The following SLC12A8 variants were observed in gnomAD, a reference collection of about 807,000 sequenced individuals.
SLC12A8 encodes the protein cation-chloride cotransporter 9.
A neutral mutation model predicts 75.6 loss-of-function variants in SLC12A8; 69 were observed. That is an observed-to-expected ratio of 0.91 (90% CI 0.75 to 1.11). SLC12A8 has a LOEUF of 1.11. Among genes scored for constraint, SLC12A8 ranks in the 50% most tolerant of loss-of-function variants. The pLI is 0.00. For missense variants in SLC12A8, 877 were observed against 896.7 expected, an observed-to-expected ratio of 0.98 and a Z score of 0.28; for synonymous variants, 365 against 372.8, an observed-to-expected ratio of 0.98 and a Z score of 0.24.
At chr3:125,114,174 T>C (rs1939251691) in intron 8 of SLC12A8, among the ~76,000 whole-genome samples, 1 of 152,198 alleles carries the variant, frequency 6.6e-6, no homozygotes, top group Non-Finnish European at 1.5e-5. Flanking sequence ...TTTTCCATAA[T>C]GAGACCTAGT....
intron 5 of SLC12A8, among the ~76,000 whole-genome samples, chr3:125,155,494 G>A (rs2945115): frequency 0.76 from 115,568 of 151,878 alleles, 44,606 homozygotes; most frequent in African/African-American, 0.9. Context: ...AGTTTGAGCC[G>A]GGCGCGGTGG....
At chr3:125,155,498 G>A (rs1281430680) in intron 5 of SLC12A8, among the ~76,000 whole-genome samples, 3 of 151,966 alleles carry the variant, frequency 2.0e-5, no homozygotes, top group Admixed American at 1.3e-4. Context: ...TGAGCCGGGC[G>A]CGGTGGCTCA....
intron 10 of SLC12A8, among the ~76,000 whole-genome samples, chr3:125,102,542 C>T (rs149551978): frequency 2.4e-4 from 36 of 152,126 alleles, no homozygotes; most frequent in African/African-American, 8.7e-4. Context: ...AAATGGGATG[C>T]GGGAGAGTCT....
At chr3:125,121,620 A>T (rs912913018) in intron 6 of SLC12A8, among the ~76,000 whole-genome samples, 21 of 152,338 alleles carry the variant, frequency 1.4e-4, no homozygotes, top group Admixed American at 2.6e-4. Flanking sequence ...TAACAACCTC[A>T]TCAGAAAGGT....
chr3:125,128,182 TA>T (rs67793189), intron 6 of SLC12A8, among the ~76,000 whole-genome samples: 1,602 of 111,232 alleles, frequency 0.014, 123 homozygotes, highest in African/African-American at 0.076. Flanking sequence ...AGCTTATTTT[TA>T]TTTTTTTTTT....
At chr3:125,176,168 C>T (rs1052958265) in intron 5 of SLC12A8, among the ~76,000 whole-genome samples, 1 of 152,130 alleles carries the variant, frequency 6.6e-6, no homozygotes, top group East Asian at 1.9e-4. Context: ...AGCATATCAT[C>T]GTGCAAAAAC....
chr3:125,119,857 C>G (rs1433317278), intron 7 of SLC12A8: 1 of 456,734 alleles, frequency 2.2e-6, no homozygotes, highest in Non-Finnish European at 4.4e-6. Context: ...TTTGCCTCTT[C>G]ACACCTACCC....
intron 12 of SLC12A8, among the ~76,000 whole-genome samples, chr3:125,090,752 T>C (rs1938562693): frequency 6.6e-6 from 1 of 152,236 alleles, no homozygotes; most frequent in Non-Finnish European, 1.5e-5. Context: ...TGTTTTTCAT[T>C]AGTGTTAGCC....
At chr3:125,164,861 G>A (rs932620708) in intron 5 of SLC12A8, among the ~76,000 whole-genome samples, 1 of 152,238 alleles carries the variant, frequency 6.6e-6, no homozygotes, top group African/African-American at 2.4e-5. Flanking sequence ...GTCTGGGGTG[G>A]AGCTTGGGAT....
intron 8 of SLC12A8, among the ~76,000 whole-genome samples, chr3:125,117,802 G>C (rs1939348925): frequency 6.6e-6 from 1 of 152,100 alleles, no homozygotes; most frequent in Admixed American, 6.6e-5. Context: ...TATTCATGTG[G>C]CTTCTAGGAT....
At chr3:125,209,599 T>C (rs906117934) in intron 2 of SLC12A8, among the ~76,000 whole-genome samples, 2 of 152,212 alleles carry the variant, frequency 1.3e-5, no homozygotes, top group African/African-American at 4.8e-5. Context: ...CAACACACCA[T>C]GCCAGGTATT....
intron 6 of SLC12A8, among the ~76,000 whole-genome samples, chr3:125,133,565 A>G (rs563526327): frequency 1.3e-5 from 2 of 152,152 alleles, no homozygotes; most frequent in South Asian, 4.1e-4. Flanking sequence ...TGCTGGGACT[A>G]CAGGTGCATG....
intron 5 of SLC12A8, among the ~76,000 whole-genome samples, chr3:125,141,519 C>T (rs1177977715): frequency 2.0e-5 from 3 of 152,238 alleles, no homozygotes; most frequent in Non-Finnish European, 4.4e-5. Context: ...CTGGGTGGCA[C>T]CTGCGGTGCC....
intron 6 of SLC12A8, among the ~76,000 whole-genome samples, chr3:125,134,867 A>C (rs1933450100): frequency 6.6e-6 from 1 of 152,274 alleles, no homozygotes; most frequent in South Asian, 2.1e-4. Flanking sequence ...CAAGGAGACA[A>C]GACAGATATC....
chr3:125,121,690 G>T (rs1314130804), intron 6 of SLC12A8, among the ~76,000 whole-genome samples: 1 of 152,130 alleles, frequency 6.6e-6, no homozygotes, highest in Non-Finnish European at 1.5e-5. Flanking sequence ...ACAGCCTAAG[G>T]TCACACATTT....
intron 12 of SLC12A8, among the ~76,000 whole-genome samples, chr3:125,090,970 GT>G (rs1301942558): frequency 6.6e-6 from 1 of 151,820 alleles, no homozygotes; most frequent in East Asian, 1.9e-4. Flanking sequence ...CTTGTTATTT[GT>G]TTTTTGTTTG....
Position 125,177,884 on chromosome 3 carries a change from A to C in SLC12A8, c.481T>G (p.Ser161Ala), listed in dbSNP as rs1934573320. The C allele has an allele frequency of 6.2e-7, 1 of 1,614,108 alleles. No homozygotes were observed. The highest frequency in any genetic ancestry group is 1.7e-5 in the Admixed American group (1 of 60,000). The change falls in exon 5 of 14, where the codon TCA (serine) becomes GCA (alanine). Residue 161 changes from serine (S) to alanine (A), a missense_variant. Transcript: ENST00000469902. Reference protein sequence around the residue: ...LGNIWAVRGISVAVLLALLGI... With the variant: ...LGNIWAVRGIAVAVLLALLGI... The stretch of plus-strand genomic sequence containing the variant: ...AGCAAGGCCAGAAGCACCGCAACTG[A>C]AATTCCTCGCACAGCCCAGATATTC...
intron 5 of SLC12A8, among the ~76,000 whole-genome samples, chr3:125,138,845 A>AACACACACACACACACACAC (rs3061221): frequency 7.3e-6 from 1 of 137,746 alleles, no homozygotes; most frequent in African/African-American, 2.8e-5. Flanking sequence ...CCTTCTACAA[A>AACACACACACACACACACAC]ACACACACAC....
intron 5 of SLC12A8, among the ~76,000 whole-genome samples, chr3:125,166,555 C>T (rs1163657201): frequency 6.6e-6 from 1 of 152,214 alleles, no homozygotes; most frequent in African/African-American, 2.4e-5. Flanking sequence ...TCCCTTAACA[C>T]TCAGCTCCCA....
Sources: allele counts gnomAD v4.1 joint callset (sites outside exome capture counted in the v4.1 genomes callset), GRCh38; gene constraint gnomAD v4.1.1; transcripts MANE v1.5; gene names NCBI Gene and HGNC (gene_info 2026-07-23, HGNC 2026-07-21).